CPQ: variants seen among roughly 807,000 people sequenced by gnomAD.
The protein encoded by CPQ is carboxypeptidase Q.
Under a neutral mutation model 45.7 loss-of-function variants are expected in CPQ, and 37 were observed. The ratio of observed to expected loss-of-function variants is 0.81; its 90% CI spans 0.62 to 1.07. CPQ has a LOEUF of 1.07. CPQ is among the 50% of genes least tolerant of loss of function. CPQ has a pLI of 0.00. For synonymous variants in CPQ, 186 were observed against 205.8 expected, an observed-to-expected ratio of 0.90 and a Z score of 0.82; for missense variants, 537 against 572.9, an observed-to-expected ratio of 0.94 and a Z score of 0.64.
chr8:96,734,660 G>A (rs1586378346), intron 1 of CPQ, among the ~76,000 whole-genome samples: 1 of 151,756 alleles, frequency 6.6e-6, no homozygotes. Context: ...GCAGTGAGCC[G>A]AGATCGCCCC....
rs962764246 is a variant in CPQ, at chr8:96,995,589, T to C, written c.961+29543T>C. Among the ~76,000 whole-genome samples the C allele has an allele frequency of 1.9e-4, 29 of 149,778 alleles. 1 individual carries two copies. Among genetic ancestry groups the C allele is most frequent in the African/African-American group, 7.3e-4 (29 of 39,564 alleles). On this transcript the variant is annotated intron_variant, in intron 5 of 7. Coordinates refer to ENST00000220763, the MANE Select transcript of CPQ (RefSeq NM_016134.4). Reference sequence around the variant, plus strand: ...GGTGGGAAATCCAAATGGCAAGGTCTGATAGCAGCTGAATAGTTAGAATTG... The same window carrying C: ...GGTGGGAAATCCAAATGGCAAGGTCCGATAGCAGCTGAATAGTTAGAATTG...
chr8:96,784,400 G>C (rs752905832), intron 1 of CPQ, among the ~76,000 whole-genome samples: 17 of 108,182 alleles, frequency 1.6e-4, no homozygotes, highest in African/African-American at 6.1e-4. Flanking sequence ...GTTCTGAGGT[G>C]GGGGGGGGGT....
At chr8:97,107,354 C>T (rs764468621) in intron 7 of CPQ, among the ~76,000 whole-genome samples, 4 of 152,210 alleles carry the variant, frequency 2.6e-5, no homozygotes, top group Non-Finnish European at 4.4e-5. Flanking sequence ...GCCTGAGGCC[C>T]ACATGCCTTG....
At chr8:97,030,287 G>A (rs1377636547) in intron 6 of CPQ, among the ~76,000 whole-genome samples, 1 of 152,200 alleles carries the variant, frequency 6.6e-6, no homozygotes, top group Non-Finnish European at 1.5e-5. Context: ...ATGTCCAGAT[G>A]AGAAGAAGCA....
chr8:97,082,695 G>A (rs1246831948), intron 7 of CPQ, among the ~76,000 whole-genome samples: 2 of 152,050 alleles, frequency 1.3e-5, no homozygotes, highest in South Asian at 2.1e-4. Context: ...TACTTGAGAC[G>A]CTCAAACTCA....
chr8:96,906,298 C>T (rs1324007618), intron 4 of CPQ, among the ~76,000 whole-genome samples: 1 of 152,138 alleles, frequency 6.6e-6, no homozygotes, highest in East Asian at 1.9e-4. Context: ...TTTCCAAAAT[C>T]AGAGGTCTTA....
chr8:97,063,415 G>A (rs1048519582), intron 6 of CPQ, among the ~76,000 whole-genome samples: 1 of 151,988 alleles, frequency 6.6e-6, no homozygotes, highest in African/African-American at 2.4e-5. Flanking sequence ...CTTTTCTCCT[G>A]TTCTGCAGGT....
Position 96,917,356 on chromosome 8 carries a change from C to T in CPQ, c.849+37351C>T, listed in dbSNP as rs993445535. ...TAGTACTAGTTTATTTATTATGTTGCTCAAATTGTTACAGCCTTGGCCATG... is the reference window on the plus strand; with the variant it reads ...TAGTACTAGTTTATTTATTATGTTGTTCAAATTGTTACAGCCTTGGCCATG... On this transcript the variant is annotated intron_variant, in intron 4 of 7. Coordinates refer to ENST00000220763, the MANE Select transcript of CPQ (RefSeq NM_016134.4). 4.6e-5 allele frequency among the ~76,000 whole-genome samples: 7 copies of T among 152,062 alleles called. No individual in the cohort carries two copies. The East Asian group carries it at 1.4e-3, about 29-fold the overall frequency.
At chr8:97,052,346 TA>T (rs1810378314) in intron 6 of CPQ, among the ~76,000 whole-genome samples, 1 of 152,174 alleles carries the variant, frequency 6.6e-6, no homozygotes. Context: ...ATCTGTTTAT[TA>T]TTTTCCTCAT....
intron 5 of CPQ, among the ~76,000 whole-genome samples, chr8:97,005,451 C>T (rs1287774659): frequency 2.0e-5 from 3 of 151,716 alleles, no homozygotes; most frequent in African/African-American, 4.8e-5. Flanking sequence ...CCTGTAATCC[C>T]AGAACTTTGG....
At chr8:96,770,630 C>G (rs1264106500) in intron 1 of CPQ, among the ~76,000 whole-genome samples, 1 of 150,510 alleles carries the variant, frequency 6.6e-6, no homozygotes, top group Non-Finnish European at 1.5e-5. Flanking sequence ...CAGTCTGATT[C>G]TAATAAAAGT....
At chr8:96,780,212 T>C (rs1810669141) in intron 1 of CPQ, among the ~76,000 whole-genome samples, 1 of 152,194 alleles carries the variant, frequency 6.6e-6, no homozygotes, top group Admixed American at 6.6e-5. Flanking sequence ...GCTGATAGCA[T>C]AGTTAATTAT....
intron 1 of CPQ, among the ~76,000 whole-genome samples, chr8:96,679,539 A>T (rs1187818995): frequency 6.6e-6 from 1 of 152,072 alleles, no homozygotes; most frequent in African/African-American, 2.4e-5. Context: ...TCAGCAGTAA[A>T]GCCATCTGCT....
chr8:97,128,605 A>T lies in CPQ; in HGVS notation c.1256-14415A>T, dbSNP rs530661995. Among the ~76,000 whole-genome samples the T allele has an allele frequency of 2.6e-5, 4 of 152,298 alleles. No individual in the cohort carries two copies. The East Asian group carries it at 7.7e-4, about 29-fold the overall frequency. ...GAGGCTGAGGCAGGAGAATCGCTTG[A>T]ACCTGGGAGGTGGAGGTTGCAGTGA... On this transcript the variant is annotated intron_variant, in intron 7 of 7. Transcript: ENST00000220763.
intron 5 of CPQ, among the ~76,000 whole-genome samples, chr8:96,969,392 G>A (rs1455311898): frequency 6.6e-6 from 1 of 151,938 alleles, no homozygotes; most frequent in Admixed American, 6.6e-5. Flanking sequence ...GGCCCTTTAA[G>A]TCCTTGAAGT....
chr8:96,726,873 A>G (rs924707962), intron 1 of CPQ, among the ~76,000 whole-genome samples: 1 of 152,184 alleles, frequency 6.6e-6, no homozygotes, highest in African/African-American at 2.4e-5. Context: ...CAGAGAGTCC[A>G]CACCAGATGT....
intron 3 of CPQ, among the ~76,000 whole-genome samples, chr8:96,877,238 T>G (rs1812157534): frequency 6.6e-6 from 1 of 152,206 alleles, no homozygotes; most frequent in Admixed American, 6.5e-5. Flanking sequence ...TTGGAAGACA[T>G]GCTTAGTTGC....
intron 1 of CPQ, among the ~76,000 whole-genome samples, chr8:96,781,354 G>A (rs1013287246): frequency 2.6e-5 from 4 of 152,072 alleles, no homozygotes; most frequent in East Asian, 1.9e-4. Flanking sequence ...CCTTTTAGCT[G>A]CATCAAAACT....
At chr8:96,932,938 G>T (rs2130919840) in intron 4 of CPQ, among the ~76,000 whole-genome samples, 1 of 152,288 alleles carries the variant, frequency 6.6e-6, no homozygotes, top group Non-Finnish European at 1.5e-5. Context: ...AAGGAATTAA[G>T]TTCTTTCCTA....
Sources: gnomAD v4.1 joint callset for allele counts (sites outside exome capture counted in the v4.1 genomes callset) on GRCh38, gnomAD v4.1.1 for gene constraint, MANE v1.5 for transcripts, NCBI Gene and HGNC (gene_info 2026-07-23, HGNC 2026-07-21) for gene names.